The following GNE variants were observed in gnomAD, a reference collection of about 807,000 sequenced individuals.
GNE encodes the protein bifunctional UDP-N-acetylglucosamine 2-epimerase/N-acetylmannosamine kinase.
GNE carries 41 observed loss-of-function variants against 61.8 expected under a neutral mutation model. That is an observed-to-expected ratio of 0.66 (90% CI 0.52 to 0.86). The LOEUF (loss-of-function observed/expected upper bound fraction) is 0.86. Among genes scored for constraint, GNE ranks in the 40% least tolerant of loss-of-function variants. The pLI is 0.00. For missense variants in GNE, 608 were observed against 909.1 expected, an observed-to-expected ratio of 0.67 and a Z score of 4.26; for synonymous variants, 264 against 326.4, an observed-to-expected ratio of 0.81 and a Z score of 2.06.
Position 36,256,173 on chromosome 9 carries a change from G to A in GNE, c.-43+2148C>T, listed in dbSNP as rs554213354. Among the ~76,000 whole-genome samples the A allele has an allele frequency of 5.9e-5, 8 of 136,456 alleles. No individual in the cohort carries two copies. In the South Asian group the frequency reaches 9.6e-4, roughly 16 times the overall value. The allele number at this position is 136,456 out of a possible 152,430, so 89.5% of individuals were successfully genotyped here. A position where few individuals can be genotyped will look rare whatever the true frequency, so the allele number is the denominator to read the frequency against. Reference sequence around the variant, plus strand: ...ATCTCCTGACCTCAGGTGATCCGCCGCCTGGCCTCCCAAAGTGCTTGGATT... The same window carrying A: ...ATCTCCTGACCTCAGGTGATCCGCCACCTGGCCTCCCAAAGTGCTTGGATT... On this transcript the variant is annotated intron_variant, in intron 1 of 11. Coordinates refer to ENST00000642385, the MANE Select transcript of GNE (RefSeq NM_005476.7).
intron 1 of GNE, among the ~76,000 whole-genome samples, chr9:36,275,162 A>C (rs1267971709): frequency 6.6e-6 from 1 of 152,148 alleles, no homozygotes; most frequent in African/African-American, 2.4e-5. Context: ...GCTTGTCCAA[A>C]ATTGAGCTTT....
At chr9:36,240,225 CCTTGT>C (rs1829578045) in intron 3 of GNE, among the ~76,000 whole-genome samples, 1 of 152,116 alleles carries the variant, frequency 6.6e-6, no homozygotes, top group African/African-American at 2.4e-5. Context: ...GAGTGGGCAT[CCTTGT>C]CTTGTTCCAA....
Position 36,217,158 on chromosome 9 carries a change from G to A in GNE, c.*207C>T, listed in dbSNP as rs1163572294. 1.7e-6 allele frequency: 1 copy of A among 597,700 alleles called. No homozygotes were observed. Among genetic ancestry groups the A allele is most frequent in the Non-Finnish European group, 3.0e-6 (1 of 334,376 alleles). The allele number at this position is 597,700 out of a possible 1,614,324, so 37.0% of individuals were successfully genotyped here. ...TTTGAGCTAAAATGACCCCTAGTAA[G>A]AAGACATCAGAAAGAATAGCATCTA... On this transcript the variant is annotated 3_prime_UTR_variant, in exon 12 of 12. Transcript: ENST00000642385.
upstream of GNE, among the ~76,000 whole-genome samples, chr9:36,262,511 C>T (rs1051780527): frequency 1.1e-4 from 17 of 152,056 alleles, no homozygotes; most frequent in African/African-American, 3.6e-4. Flanking sequence ...TACCAAAAAT[C>T]GTCACTAGTT....
At chr9:36,252,478 C>A (rs1445214836) in intron 1 of GNE, among the ~76,000 whole-genome samples, 1 of 152,092 alleles carries the variant, frequency 6.6e-6, no homozygotes, top group Admixed American at 6.6e-5. Context: ...AGTAAATGTT[C>A]CATCTGGCAG....
rs115974461 is a variant in GNE, at chr9:36,244,166, G to A, written c.616+1865C>T. On this transcript the variant is annotated intron_variant, in intron 3 of 11. Coordinates refer to ENST00000642385, the MANE Select transcript of GNE (RefSeq NM_005476.7). ...TTTTGTAGAGACAGCGTCTTGCTAT[G>A]TTGCCCAGGCTGGCCTTGTAACTCC... is the stretch of plus-strand genomic sequence containing the variant. Among the ~76,000 whole-genome samples the A allele has an allele frequency of 8.0e-3, 1,215 of 151,938 alleles. 19 individuals carry two copies. The highest frequency in any genetic ancestry group is 0.028 in the African/African-American group (1,165 of 41,362).
chr9:36,255,957 C>A (rs1260315097), intron 1 of GNE, among the ~76,000 whole-genome samples: 1 of 152,186 alleles, frequency 6.6e-6, no homozygotes, highest in Non-Finnish European at 1.5e-5. Context: ...CAGGGTCTCA[C>A]TCTGTTGCCC....
chr9:36,242,172 AAAAG>A (rs1288687207), intron 3 of GNE, among the ~76,000 whole-genome samples: 1 of 152,106 alleles, frequency 6.6e-6, no homozygotes, highest in Non-Finnish European at 1.5e-5. Context: ...AAGAAAAAAA[AAAAG>A]AAGTTGCATA....
chr9:36,246,771 C>T (rs1205600040), intron 2 of GNE, among the ~76,000 whole-genome samples: 8 of 148,952 alleles, frequency 5.4e-5, no homozygotes, highest in South Asian at 4.2e-4. Context: ...CGGGTTCAAG[C>T]GATTCTCCTG....
chr9:36,237,523 C>T (rs1455636213), intron 3 of GNE, among the ~76,000 whole-genome samples: 2 of 152,046 alleles, frequency 1.3e-5, no homozygotes, highest in African/African-American at 2.4e-5. Context: ...ATCCCAAGGA[C>T]GGTTCCTCAG....
intron 1 of GNE, among the ~76,000 whole-genome samples, chr9:36,273,181 T>C (rs1831107957): frequency 6.6e-6 from 1 of 151,828 alleles, no homozygotes; most frequent in South Asian, 2.1e-4. Flanking sequence ...AGATATACAT[T>C]GGAGACACAA....
At chr9:36,249,846 C>T (rs1348089101) in intron 1 of GNE, among the ~76,000 whole-genome samples, 1 of 151,292 alleles carries the variant, frequency 6.6e-6, no homozygotes, top group African/African-American at 2.4e-5. Flanking sequence ...ATCGCACCAC[C>T]ACACTCCAGC....
intron 1 of GNE, among the ~76,000 whole-genome samples, chr9:36,250,923 C>T (rs891356763): frequency 6.6e-6 from 1 of 152,158 alleles, no homozygotes; most frequent in Non-Finnish European, 1.5e-5. Context: ...TCAAGTGATC[C>T]ACCCACCTCG....
chr9:36,265,399 T>G (rs1184851071), intron 1 of GNE: 4 of 456,500 alleles, frequency 8.8e-6, no homozygotes, highest in Non-Finnish European at 1.8e-5. Context: ...AACATTGTGA[T>G]GTCTGCCATG....
At chr9:36,219,003 G>T (rs1347627808) in intron 10 of GNE, among the ~76,000 whole-genome samples, 1 of 152,168 alleles carries the variant, frequency 6.6e-6, no homozygotes, top group Non-Finnish European at 1.5e-5. Flanking sequence ...CTACTAATCT[G>T]CTAGAATATC....
intron 1 of GNE, among the ~76,000 whole-genome samples, chr9:36,272,104 A>C (rs1463529767): frequency 6.6e-6 from 1 of 152,202 alleles, no homozygotes; most frequent in Non-Finnish European, 1.5e-5. Context: ...TAAGTCAAGC[A>C]TAAAACAGCA....
chr9:36,256,853 C>T (rs1032890075), intron 1 of GNE, among the ~76,000 whole-genome samples: 1 of 152,144 alleles, frequency 6.6e-6, no homozygotes, highest in Non-Finnish European at 1.5e-5. Flanking sequence ...TCGTATTAGC[C>T]GCGTTTTACA....
intron 6 of GNE, 105 bp downstream of exon 6, chr9:36,228,916 G>C: frequency 7.6e-6 from 6 of 793,430 alleles, no homozygotes; most frequent in Middle Eastern, 2.4e-4. Context: ...GTAGGCATAA[G>C]AAGGAAAGCT....
chr9:36,260,066 TTGA>T (rs1269761825), upstream of GNE, among the ~76,000 whole-genome samples: 2 of 151,824 alleles, frequency 1.3e-5, no homozygotes, highest in African/African-American at 4.8e-5. Context: ...GGAAGTAAAA[TTGA>T]TGAGACTTAA....
Sources: gnomAD v4.1 joint callset for allele counts (sites outside exome capture counted in the v4.1 genomes callset) on GRCh38, gnomAD v4.1.1 for gene constraint, MANE v1.5 for transcripts, NCBI Gene and HGNC (gene_info 2026-07-23, HGNC 2026-07-21) for gene names.